The following IGDCC3 variants were observed in gnomAD, a reference collection of about 807,000 sequenced individuals.
IGDCC3 encodes the protein immunoglobulin superfamily DCC subclass member 3.
IGDCC3 carries 47 observed loss-of-function variants against 72.0 expected under a neutral mutation model. The observed-to-expected ratio is 0.65, with a 90% CI of 0.52 to 0.83. IGDCC3 has a LOEUF of 0.83. Ranked by LOEUF, IGDCC3 falls within the 40% of genes least tolerant of loss-of-function variation. The pLI is 0.00. For synonymous variants in IGDCC3, 477 were observed against 472.8 expected (o/e 1.01, Z -0.11); for missense variants, 1,038 against 1,091.3 (o/e 0.95, Z 0.69).
intron 8 of IGDCC3, 42 bp from the exon 9 acceptor site, chr15:65,331,256 G>A: frequency 1.2e-6 from 2 of 1,602,340 alleles, no homozygotes; most frequent in Non-Finnish European, 1.7e-6. Context: ...GAAGGACTGG[G>A]GGAGTCCTGC....
chr15:65,335,665 G>T, intron 3 of IGDCC3, 147 bp downstream of exon 3: 1 of 968,604 alleles, frequency 1.0e-6, no homozygotes, highest in Non-Finnish European at 1.6e-6. Context: ...TGGATACCCA[G>T]TCTAAACTGT....
intron 2 of IGDCC3, chr15:65,355,879 T>C (rs2091216572): frequency 3.1e-6 from 1 of 326,660 alleles, no homozygotes; most frequent in South Asian, 2.0e-5. Context: ...AGCCTCGGAT[T>C]CCCCAGCTGG....
intron 2 of IGDCC3, among the ~76,000 whole-genome samples, chr15:65,350,460 C>CTT (rs59350659): frequency 1.4e-4 from 19 of 137,078 alleles, no homozygotes; most frequent in Middle Eastern, 4.2e-3. Context: ...TGAGACTTAG[C>CTT]TTTTTTTTTT....
At chr15:65,361,087 A>G (rs1217163386) in intron 2 of IGDCC3, among the ~76,000 whole-genome samples, 1 of 152,012 alleles carries the variant, frequency 6.6e-6, no homozygotes, top group East Asian at 1.9e-4. Flanking sequence ...GACCTGGCCC[A>G]TTTCAAGATT....
At chr15:65,336,306 C>T (rs372695656) in intron 2 of IGDCC3, among the ~76,000 whole-genome samples, 1 of 151,360 alleles carries the variant, frequency 6.6e-6, no homozygotes, top group South Asian at 2.1e-4. Flanking sequence ...CAGACAAAGC[C>T]CTGCTCCCGA....
intron 2 of IGDCC3, among the ~76,000 whole-genome samples, chr15:65,357,893 A>T (rs772214218): frequency 5.3e-5 from 8 of 152,194 alleles, no homozygotes; most frequent in Non-Finnish European, 1.0e-4. Flanking sequence ...CTAGTTAGTC[A>T]GTTTAGAGAA....
At chr15:65,342,257 A>C (rs1275238076) in intron 2 of IGDCC3, among the ~76,000 whole-genome samples, 1 of 151,896 alleles carries the variant, frequency 6.6e-6, no homozygotes, top group Non-Finnish European at 1.5e-5. Context: ...GTGGTGGCAC[A>C]TGCCTGTAAT....
At chr15:65,350,799 C>T (rs1298926193) in intron 2 of IGDCC3, among the ~76,000 whole-genome samples, 5 of 152,108 alleles carry the variant, frequency 3.3e-5, no homozygotes, top group Admixed American at 2.6e-4. Flanking sequence ...CCTGGTGTGT[C>T]CTGGGCGAGG....
chr15:65,342,211 A>C (rs189088356), intron 2 of IGDCC3, among the ~76,000 whole-genome samples: 6 of 151,704 alleles, frequency 4.0e-5, no homozygotes, highest in Admixed American at 3.9e-4. Flanking sequence ...ACATGGAGAA[A>C]CCTCGTCTCT....
At position 65,333,365 on chromosome 15, in the gene IGDCC3, G is replaced by C; in HGVS notation, c.874C>G (p.Leu292Val). The change falls in exon 6 of 14, where the codon CTC becomes GTC. Residue 292 changes from leucine (L) to valine (V), a missense_variant. Physicochemically the swap from Leu to Val is conservative, Grantham distance 32. Transcript: ENST00000327987. ...EGIQVLGTGNLIISDVTVQHS... is the reference protein window; with the variant it reads ...EGIQVLGTGNVIISDVTVQHS... The stretch of plus-strand genomic sequence containing the variant: ...TGGACCGTCACGTCTGAGATGATGA[G>C]GTTTCCTGTGCCCAGCACCTGGATG... 4 of 1,611,940 alleles carry C rather than the reference G, an allele frequency of 2.5e-6. No individual in the cohort carries two copies. The highest frequency in any genetic ancestry group is 3.4e-6 in the Non-Finnish European group (4 of 1,179,032).
chr15:65,355,143 G>T (rs1260817283), intron 2 of IGDCC3, among the ~76,000 whole-genome samples: 1 of 152,140 alleles, frequency 6.6e-6, no homozygotes, highest in African/African-American at 2.4e-5. Flanking sequence ...GTGGGCAGCG[G>T]AGTGGGGCGG....
At position 65,377,952 on chromosome 15, in the gene IGDCC3, C is replaced by A. The variant is rs1013777976; in HGVS notation, c.-164G>T. On this transcript the variant is annotated 5_prime_UTR_variant, in exon 1 of 14. Transcript: ENST00000327987. The surrounding 1 kb of genome is among the most constrained non-coding windows in gnomAD (Gnocchi z 4.9). ...CATGCCTGCTCAGCAGCGCGGGGGG[C>A]GCAGGGGGAGCGCCGCTTGCGCCAT... is the stretch of plus-strand genomic sequence containing the variant. 3.5e-6 allele frequency: 2 copies of A among 577,158 alleles called. No individual in the cohort carries two copies. Among genetic ancestry groups the A allele is most frequent in the African/African-American group, 4.0e-5 (2 of 49,440 alleles). The allele number at this position is 577,158 out of a possible 1,614,324, so 35.8% of individuals were successfully genotyped here.
At chr15:65,355,334 C>A (rs902845770) in intron 2 of IGDCC3, among the ~76,000 whole-genome samples, 2 of 152,180 alleles carry the variant, frequency 1.3e-5, no homozygotes, top group Non-Finnish European at 2.9e-5. Flanking sequence ...CCATCCCCCC[C>A]GCTCTTCTCC....
chr15:65,330,959 C>T, intron 9 of IGDCC3, 91 bp downstream of exon 9: 1 of 1,471,526 alleles, frequency 6.8e-7, no homozygotes, highest in Admixed American at 2.0e-5. Context: ...GCACCCTGCA[C>T]AGCGCACAAC....
rs946856608 is a variant in IGDCC3 at position 65,377,243 on chromosome 15, G to A, written c.103+443C>T. 6.6e-6 allele frequency among the ~76,000 whole-genome samples: 1 copy of A among 152,168 alleles called. No homozygotes were observed. Among genetic ancestry groups the A allele is most frequent in the African/African-American group, 2.4e-5 (1 of 41,438 alleles). On this transcript the variant is annotated intron_variant, in intron 1 of 13. Coordinates refer to ENST00000327987, the MANE Select transcript of IGDCC3 (RefSeq NM_004884.4). This position sits in a 1 kb window ranked among gnomAD's most constrained non-coding sequence, Gnocchi z 4.9. ...CCATCTCCGCCCAGTGCAGCCGTCA[G>A]AGTCCCGGTCTCCGCTCCCCAGGCT... is the stretch of plus-strand genomic sequence containing the variant.
intron 5 of IGDCC3, 173 bp downstream of exon 5, chr15:65,334,555 C>T (rs2091008892): frequency 4.8e-6 from 3 of 630,198 alleles, no homozygotes; most frequent in Middle Eastern, 4.3e-4. Context: ...CCTCCCTGGT[C>T]CTTCCAGGAG....
intron 2 of IGDCC3, among the ~76,000 whole-genome samples, chr15:65,364,057 C>T (rs1158434204): frequency 6.6e-6 from 1 of 152,188 alleles, no homozygotes; most frequent in Non-Finnish European, 1.5e-5. Flanking sequence ...TGGCTCCCAC[C>T]TTGGCCAGGG....
intron 2 of IGDCC3, chr15:65,355,891 C>A: frequency 3.2e-6 from 1 of 313,162 alleles, no homozygotes; most frequent in Non-Finnish European, 7.0e-6. Context: ...CCCAGCTGGG[C>A]CCGGCCCCGG....
chr15:65,332,304 TTCCCTCC>T (rs2090985708), intron 6 of IGDCC3, among the ~76,000 whole-genome samples, 198 bp from the exon 7 acceptor site: 2 of 152,174 alleles, frequency 1.3e-5, no homozygotes, highest in South Asian at 4.1e-4. Flanking sequence ...CACCTCCCTC[TTCCCTCC>T]TCCCCAGGCA....
Sources: gnomAD v4.1 joint callset for allele counts (sites outside exome capture counted in the v4.1 genomes callset) on GRCh38, gnomAD v4.1.1 for gene constraint, Gnocchi (gnomAD v3.1) non-coding constraint, MANE v1.5 for transcripts, NCBI Gene and HGNC (gene_info 2026-07-23, HGNC 2026-07-21) for gene names.